The following SORT1 variants were observed in gnomAD, a reference collection of about 807,000 sequenced individuals.
The protein encoded by SORT1 is sortilin 1.
A neutral mutation model predicts 101.7 loss-of-function variants in SORT1; 39 were observed. The observed-to-expected ratio is 0.38, with a 90% confidence interval of 0.30 to 0.50. The LOEUF is 0.50. Among genes scored for constraint, SORT1 ranks in the 20% least tolerant of loss-of-function variants. The pLI, the probability that SORT1 is intolerant of heterozygous loss-of-function variation, is 0.90. For synonymous variants in SORT1, 396 were observed against 393.7 expected, an observed-to-expected ratio of 1.01 and a Z score of -0.07; for missense variants, 878 against 1,040.4, an observed-to-expected ratio of 0.84 and a Z score of 2.15.
chr1:109,326,536 T>TAC (rs1418887299), intron 13 of SORT1, among the ~76,000 whole-genome samples: 13 of 143,818 alleles, frequency 9.0e-5, no homozygotes, highest in Admixed American at 3.5e-4. Flanking sequence ...CACATATATA[T>TAC]ACATATATAT....
chr1:109,312,392 A>T lies in SORT1; in HGVS notation c.*1651T>A, dbSNP rs1658776776. On this transcript the variant is annotated 3_prime_UTR_variant, in exon 20 of 20. Transcript: ENST00000256637. Reference sequence around the variant, plus strand: ...CATTTCATTCTACTGCAGTTTTAACATCTCTAAAAGTCTCCATCCACTCTC... The same window carrying T: ...CATTTCATTCTACTGCAGTTTTAACTTCTCTAAAAGTCTCCATCCACTCTC... The T allele has an allele frequency of 1.3e-5, 2 of 152,592 alleles. No homozygotes were observed. The highest frequency in any genetic ancestry group is 2.9e-5 in the Non-Finnish European group (2 of 68,034). 9.5% of individuals were successfully genotyped at this position (152,592 alleles called of 1,614,324 possible).
intron 3 of SORT1, among the ~76,000 whole-genome samples, chr1:109,361,038 C>T (rs1459873856): frequency 1.3e-5 from 2 of 152,238 alleles, no homozygotes; most frequent in African/African-American, 4.8e-5. Context: ...CACTTGGCCA[C>T]ATCCTAATTA....
intron 6 of SORT1, among the ~76,000 whole-genome samples, chr1:109,349,390 C>T (rs750727216): frequency 5.9e-5 from 9 of 151,876 alleles, no homozygotes; most frequent in African/African-American, 9.7e-5. Context: ...GTATAAGGTA[C>T]AAATACAATT....
At chr1:109,354,145 T>C (rs919177452) in intron 5 of SORT1, among the ~76,000 whole-genome samples, 9 of 152,098 alleles carry the variant, frequency 5.9e-5, no homozygotes, top group African/African-American at 1.4e-4. Flanking sequence ...CTTAAAAAAA[T>C]TACAGTGACA....
intron 10 of SORT1, among the ~76,000 whole-genome samples, chr1:109,339,075 C>G (rs914247402): frequency 6.6e-6 from 1 of 152,042 alleles, no homozygotes; most frequent in Non-Finnish European, 1.5e-5. Context: ...GACGGGGTTT[C>G]GCCGTGTTAG....
In SORT1 at chr1:109,397,764, G is replaced by GGGC. The variant is rs1466139770; in HGVS notation, c.126_128dup (p.Pro43dup). ...CAGACCAGCGCGGCAGCGGCGCAGC[G>GGGC]GGCGGCGGCGGCGCGTCCAGCCGGT... is the stretch of plus-strand genomic sequence containing the variant. On this transcript the variant is annotated inframe_insertion, in exon 1 of 20. Coordinates refer to ENST00000256637, the MANE Select transcript of SORT1 (RefSeq NM_002959.7). The GGGC allele has an allele frequency of 2.5e-6, 3 of 1,206,918 alleles. No homozygotes were observed. The highest frequency in any genetic ancestry group is 2.6e-5 in the South Asian group (1 of 38,956). The allele number at this position is 1,206,918 out of a possible 1,614,324, so 74.8% of individuals were successfully genotyped here. A position where few individuals can be genotyped will look rare whatever the true frequency, so the allele number is the denominator to read the frequency against.
intron 16 of SORT1, 23 bp downstream of exon 16, chr1:109,317,830 C>A: frequency 7.0e-7 from 1 of 1,432,042 alleles, no homozygotes; most frequent in Non-Finnish European, 9.8e-7. Context: ...TCCATCGTGA[C>A]AAGGGAGAAA....
rs759896012 is a variant in SORT1 at position 109,345,792 on chromosome 1, G to C, written c.922C>G (p.Leu308Val). The change falls in exon 8 of 20, where the codon CTT (leucine) becomes GTT (valine). Residue 308 changes from leucine (L) to valine (V), a missense_variant. Around this residue, in one of 2 missense-constraint regions of SORT1, gnomAD observed 684 missense variants for 894.5 expected, o/e 0.76. Transcript: ENST00000256637. ...GAGGCAAAAAGGAAACGTCCCCCAA[G>C]ACCAAATGAGTAGATTTTCACACCA... is the stretch of plus-strand genomic sequence containing the variant. ...TIGVKIYSFGLGGRFLFASVM... is the reference protein window; with the variant it reads ...TIGVKIYSFGVGGRFLFASVM... The C allele has an allele frequency of 1.2e-6, 2 of 1,613,890 alleles. No individual in the cohort carries two copies. Among genetic ancestry groups the C allele is most frequent in the South Asian group, 2.2e-5 (2 of 91,076 alleles).
At chr1:109,366,343 T>A (rs1437418132) in intron 3 of SORT1, among the ~76,000 whole-genome samples, 6 of 152,174 alleles carry the variant, frequency 3.9e-5, no homozygotes, top group African/African-American at 1.4e-4. Flanking sequence ...ATAATCTGCT[T>A]AGGCCTCAAA....
intron 15 of SORT1, among the ~76,000 whole-genome samples, chr1:109,320,398 G>C (rs1266558569): frequency 1.3e-5 from 2 of 152,100 alleles, no homozygotes; most frequent in African/African-American, 4.8e-5. Context: ...CACTATCTCA[G>C]TGGAAAATTT....
At chr1:109,393,504 G>C (rs1653029767) in intron 1 of SORT1, 1 of 164,516 alleles carries the variant, frequency 6.1e-6, no homozygotes, top group Admixed American at 6.5e-5. Context: ...GGTGCTTACA[G>C]CAGAAATGTT....
intron 1 of SORT1, among the ~76,000 whole-genome samples, chr1:109,382,348 A>G (rs560518675): frequency 6.6e-6 from 1 of 152,118 alleles, no homozygotes; most frequent in South Asian, 2.1e-4. Flanking sequence ...GTTGGCCAGG[A>G]TGGTTTCAAA....
chr1:109,357,320 G>A (rs975035063), intron 3 of SORT1, among the ~76,000 whole-genome samples: 4 of 152,194 alleles, frequency 2.6e-5, no homozygotes, highest in Non-Finnish European at 4.4e-5. Context: ...ATCATTAAGC[G>A]AAGCTTGAAT....
chr1:109,357,366 C>T (rs1002112669), intron 3 of SORT1, among the ~76,000 whole-genome samples: 2 of 152,180 alleles, frequency 1.3e-5, no homozygotes, highest in African/African-American at 2.4e-5. Context: ...GTTTTGGTAG[C>T]GGCCTCAACA....
At position 109,312,500 on chromosome 1, in the gene SORT1, T is replaced by C. The variant is rs915802505; in HGVS notation, c.*1543A>G. ...TGCTCACATTCTGACTAAAGTTAAT[T>C]TGGCACTTCAAATAAAAAAAAAAAA... is the stretch of plus-strand genomic sequence containing the variant. On this transcript the variant is annotated 3_prime_UTR_variant, in exon 20 of 20. Transcript: ENST00000256637. The C allele has an allele frequency of 9.2e-6, 1 of 109,064 alleles. No homozygotes were observed. The highest frequency in any genetic ancestry group is 3.0e-4 in the East Asian group (1 of 3,328). 6.8% of individuals were successfully genotyped at this position (109,064 alleles called of 1,614,324 possible).
At chr1:109,331,348 A>G (rs1171277957) in intron 11 of SORT1, among the ~76,000 whole-genome samples, 1 of 152,218 alleles carries the variant, frequency 6.6e-6, no homozygotes, top group Admixed American at 6.5e-5. Flanking sequence ...TGCCACATTA[A>G]TAGAATGAAG....
chr1:109,316,798 G>T, intron 17 of SORT1, 52 bp downstream of exon 17: 1 of 1,166,078 alleles, frequency 8.6e-7, no homozygotes, highest in Non-Finnish European at 1.3e-6. Flanking sequence ...ATTTTTCTTA[G>T]CAGAACACAA....
At chr1:109,341,640 C>T (rs757401628) in intron 9 of SORT1, among the ~76,000 whole-genome samples, 17 of 152,132 alleles carry the variant, frequency 1.1e-4, no homozygotes, top group Non-Finnish European at 2.4e-4. Context: ...TGAGCCACTG[C>T]GCCCAGCCAT....
intron 13 of SORT1, among the ~76,000 whole-genome samples, chr1:109,326,444 TATATATATATATATATATATACATACAC>T (rs1162435140): frequency 1.6e-4 from 4 of 24,686 alleles, no homozygotes; most frequent in Admixed American, 6.2e-4. Context: ...TATATATATA[TATATATATATATATATATATACATACAC>T]ACACACACAC....
Sources: allele counts gnomAD v4.1 joint callset (sites outside exome capture counted in the v4.1 genomes callset), GRCh38; gene constraint gnomAD v4.1.1; regional missense constraint gnomAD v4.1.1; transcripts MANE v1.5; gene names NCBI Gene and HGNC (gene_info 2026-07-23, HGNC 2026-07-21).